Variants in PALLD observed in about 807,000 individuals in gnomAD.
PALLD encodes the protein palladin, cytoskeletal associated protein, also known as palladin.
Under a neutral mutation model 123.5 loss-of-function variants are expected in PALLD, and 61 were observed. The ratio of observed to expected loss-of-function variants is 0.49; its 90% CI spans 0.40 to 0.61. The LOEUF is 0.61. Ranked by LOEUF, PALLD falls within the 20% of genes least tolerant of loss-of-function variation. The pLI is 0.00. For synonymous variants in PALLD, 465 were observed against 496.4 expected (o/e 0.94, Z 0.84); for missense variants, 1,273 against 1,377.0 (o/e 0.92, Z 1.20).
chr4:168,822,805 A>T (rs1742908151), intron 10 of PALLD, among the ~76,000 whole-genome samples: 1 of 152,228 alleles, frequency 6.6e-6, no homozygotes, highest in South Asian at 2.1e-4. Flanking sequence ...TTTGATTATG[A>T]AGAGCTTGAG....
chr4:168,540,973 TA>T (rs1472691709), intron 2 of PALLD, among the ~76,000 whole-genome samples: 13 of 152,238 alleles, frequency 8.5e-5, no homozygotes, highest in African/African-American at 3.1e-4. Flanking sequence ...AGATATACTC[TA>T]AATTGTTGAC....
At chr4:168,536,452 A>G (rs1765090608) in intron 2 of PALLD, 1 of 152,180 alleles carries the variant, frequency 6.6e-6, no homozygotes, top group Non-Finnish European at 1.5e-5. Flanking sequence ...CCGTGTTCAC[A>G]CTGCTATAAA....
chr4:168,666,217 G>T (rs1310254817), intron 2 of PALLD, among the ~76,000 whole-genome samples: 1 of 152,122 alleles, frequency 6.6e-6, no homozygotes, highest in African/African-American at 2.4e-5. Flanking sequence ...CAAAAGAAAC[G>T]AATCCTTCTC....
intron 2 of PALLD, among the ~76,000 whole-genome samples, chr4:168,632,227 G>T (rs1326584961): frequency 6.6e-6 from 1 of 151,762 alleles, no homozygotes; most frequent in Non-Finnish European, 1.5e-5. Flanking sequence ...TTTTAGAGAA[G>T]CTTCTCTTTC....
intron 10 of PALLD, among the ~76,000 whole-genome samples, chr4:168,716,006 T>G (rs1785334809): frequency 6.6e-6 from 1 of 152,068 alleles, no homozygotes; most frequent in Non-Finnish European, 1.5e-5. Context: ...GAATAAGCTC[T>G]GAAGGGAAAC....
At chr4:168,574,783 C>T (rs558786624) in intron 2 of PALLD, among the ~76,000 whole-genome samples, 1 of 152,174 alleles carries the variant, frequency 6.6e-6, no homozygotes, top group African/African-American at 2.4e-5. Context: ...TTATTAGCTA[C>T]TATAGAGAAC....
At chr4:168,729,244 C>G (rs947276079) in intron 10 of PALLD, among the ~76,000 whole-genome samples, 2 of 152,124 alleles carry the variant, frequency 1.3e-5, no homozygotes, top group African/African-American at 4.8e-5. Context: ...CTTTGGATCT[C>G]AACCTCAAAC....
chr4:168,569,588 A>T (rs1768766097), intron 2 of PALLD, among the ~76,000 whole-genome samples: 1 of 152,202 alleles, frequency 6.6e-6, no homozygotes, highest in Admixed American at 6.5e-5. Flanking sequence ...ATGTCAGTGT[A>T]TGAATCAGTA....
At chr4:168,746,493 A>T (rs6833344) in intron 10 of PALLD, among the ~76,000 whole-genome samples, 84,978 of 151,238 alleles carry the variant, frequency 0.56, 24,266 homozygotes, top group African/African-American at 0.66. Context: ...TCCTTAAGCA[A>T]AAGGACTGTC....
chr4:168,868,179 G>C (rs1750587602), intron 10 of PALLD, among the ~76,000 whole-genome samples: 1 of 152,124 alleles, frequency 6.6e-6, no homozygotes, highest in Non-Finnish European at 1.5e-5. Flanking sequence ...GGCCTGACCT[G>C]GATTATATAC....
intron 14 of PALLD, among the ~76,000 whole-genome samples, chr4:168,900,031 T>TGGTGAA (rs984818579): frequency 6.6e-6 from 1 of 151,978 alleles, no homozygotes; most frequent in African/African-American, 2.4e-5. Context: ...CTTACAATCA[T>TGGTGAA]GGTGAAGGCG....
intron 10 of PALLD, among the ~76,000 whole-genome samples, chr4:168,799,841 A>T (rs1400302678): frequency 6.6e-6 from 1 of 152,194 alleles, no homozygotes; most frequent in African/African-American, 2.4e-5. Context: ...CACAGGTAAC[A>T]ACTATAACTA....
At chr4:168,729,185 T>C (rs1443359860) in intron 10 of PALLD, among the ~76,000 whole-genome samples, 1 of 152,158 alleles carries the variant, frequency 6.6e-6, no homozygotes, top group Non-Finnish European at 1.5e-5. Flanking sequence ...CTGAATTCAG[T>C]TCTAGGGTTT....
At chr4:168,650,325 C>A (rs1012482911) in intron 2 of PALLD, among the ~76,000 whole-genome samples, 2 of 152,212 alleles carry the variant, frequency 1.3e-5, no homozygotes, top group Non-Finnish European at 2.9e-5. Flanking sequence ...AGATAAGTTA[C>A]AACCCTCCAA....
intron 10 of PALLD, among the ~76,000 whole-genome samples, chr4:168,878,569 A>G (rs368842083): frequency 6.6e-6 from 1 of 152,096 alleles, no homozygotes; most frequent in South Asian, 2.1e-4. Flanking sequence ...TGACTCAGTG[A>G]TTCTTGCGTA....
At chr4:168,672,144 C>T (rs79487034) in intron 3 of PALLD, among the ~76,000 whole-genome samples, 6,444 of 152,170 alleles carry the variant, frequency 0.042, 150 homozygotes, top group African/African-American at 0.046. Context: ...TGTACACATT[C>T]GTGGGGTATG....
intron 2 of PALLD, among the ~76,000 whole-genome samples, chr4:168,649,322 A>G (rs922717486): frequency 6.6e-6 from 1 of 152,168 alleles, no homozygotes; most frequent in Admixed American, 6.5e-5. Flanking sequence ...AATTGCTAAC[A>G]TTTGTTTTCT....
At position 168,925,081 on chromosome 4, in the gene PALLD, G is replaced by C; in HGVS notation, c.3358+3G>C. The C allele has an allele frequency of 6.2e-7, 1 of 1,613,974 alleles. No homozygotes were observed. The highest frequency in any genetic ancestry group is 8.5e-7 in the Non-Finnish European group (1 of 1,179,924). ...TACTGCCAGGCTGGACGTTTACAGT[G>C]AGTGCCACTTCATCTCATTTCATTG... is the stretch of plus-strand genomic sequence containing the variant. On this transcript the variant is annotated splice_donor_region_variant and intron_variant, in intron 20 of 21. Coordinates refer to ENST00000505667, the MANE Select transcript of PALLD (RefSeq NM_001166108.2).
intron 3 of PALLD, among the ~76,000 whole-genome samples, chr4:168,675,674 C>T (rs1368725229): frequency 6.6e-6 from 1 of 152,166 alleles, no homozygotes; most frequent in Non-Finnish European, 1.5e-5. Flanking sequence ...GGGGTGGTGC[C>T]TAGCACACAG....
Sources: allele counts gnomAD v4.1 joint callset (sites outside exome capture counted in the v4.1 genomes callset), GRCh38; gene constraint gnomAD v4.1.1; transcripts MANE v1.5; gene names NCBI Gene and HGNC (gene_info 2026-07-23, HGNC 2026-07-21).